The following CFH variants were observed in gnomAD, a reference collection of about 807,000 sequenced individuals.
The protein encoded by CFH is H factor 1 (complement).
A neutral mutation model predicts 147.3 loss-of-function variants in CFH; 53 were observed. The observed-to-expected ratio is 0.36, with a 90% CI of 0.29 to 0.45. CFH has a LOEUF of 0.45. CFH is among the 20% of genes least tolerant of loss of function. CFH has a pLI of 1.00. For missense variants in CFH, 1,380 were observed against 1,498.0 expected, an observed-to-expected ratio of 0.92 and a Z score of 1.30; for synonymous variants, 536 against 489.4, an observed-to-expected ratio of 1.10 and a Z score of -1.26.
intron 18 of CFH, 51 bp downstream of exon 18, chr1:196,740,843 A>G (rs752681273): frequency 6.4e-7 from 1 of 1,554,792 alleles, no homozygotes. Flanking sequence ...CTTCATTCAA[A>G]GTGTAAGTGG....
intron 14 of CFH, among the ~76,000 whole-genome samples, chr1:196,727,646 CA>C (rs1301551946): frequency 6.6e-6 from 1 of 152,068 alleles, no homozygotes; most frequent in Non-Finnish European, 1.5e-5. Flanking sequence ...ACAAAGTTGA[CA>C]AAATACCTAC....
intron 1 of CFH, among the ~76,000 whole-genome samples, chr1:196,660,541 A>G (rs2149069397): frequency 6.6e-6 from 1 of 152,308 alleles, no homozygotes; most frequent in East Asian, 1.9e-4. Flanking sequence ...TTCATGACCA[A>G]AGTGACAGAT....
At chr1:196,711,970 T>A (rs1405271960) in intron 9 of CFH, among the ~76,000 whole-genome samples, 3 of 152,102 alleles carry the variant, frequency 2.0e-5, no homozygotes, top group Admixed American at 6.6e-5. Flanking sequence ...TCCTGCAGAT[T>A]CTAGTGAACT....
intron 11 of CFH, among the ~76,000 whole-genome samples, chr1:196,716,616 A>G (rs1275583349): frequency 6.6e-6 from 1 of 152,036 alleles, no homozygotes; most frequent in African/African-American, 2.4e-5. Flanking sequence ...GAGTGATGAT[A>G]GGGGAGGTGC....
intron 21 of CFH, among the ~76,000 whole-genome samples, chr1:196,746,506 G>A (rs1276568909): frequency 1.3e-5 from 2 of 152,114 alleles, no homozygotes; most frequent in Non-Finnish European, 2.9e-5. Context: ...TTATTTTAAA[G>A]CATTTAGTTG....
chr1:196,700,958 G>A lies in CFH; in HGVS notation c.1336+10719G>A, dbSNP rs546800828. ...CTTCTGTGTGTGTGTGCCTGTTTTC[G>A]TCTTAGAGGTCTTGTGGCCTCTTTG... is the stretch of plus-strand genomic sequence containing the variant. On this transcript the variant is annotated intron_variant, in intron 9 of 21. Coordinates refer to ENST00000367429, the MANE Select transcript of CFH (RefSeq NM_000186.4). 3.0e-4 allele frequency: 199 copies of A among 670,648 alleles called. No individual in the cohort carries two copies. In the South Asian group the frequency reaches 4.8e-3, roughly 16 times the overall value. The allele number at this position is 670,648 out of a possible 1,614,324, so 41.5% of individuals were successfully genotyped here. A position where few individuals can be genotyped will look rare whatever the true frequency, so the allele number is the denominator to read the frequency against.
chr1:196,679,489 A>C (rs1667577559), intron 5 of CFH, 134 bp from the exon 6 acceptor site: 1 of 626,616 alleles, frequency 1.6e-6, no homozygotes, highest in Admixed American at 2.8e-5. Flanking sequence ...TAAGCGGTCA[A>C]GTCAAAACAG....
At position 196,689,620 on chromosome 1, in the gene CFH, T is replaced by C. The variant is rs777088284; in HGVS notation, c.1159+6T>C. The C allele has an allele frequency of 2.5e-6, 4 of 1,613,176 alleles. No individual in the cohort carries two copies. Among genetic ancestry groups the C allele is most frequent in the Non-Finnish European group, 3.4e-6 (4 of 1,179,448 alleles). ...GCCAGCAGTACCATGCCTCAGTAAG[T>C]AAACCTCTGAACTGCTATATATATG... is the stretch of plus-strand genomic sequence containing the variant. On this transcript the variant is annotated splice_donor_region_variant and intron_variant, in intron 8 of 21. Coordinates refer to ENST00000367429, the MANE Select transcript of CFH (RefSeq NM_000186.4).
chr1:196,702,199 C>T (rs929069712), intron 9 of CFH, among the ~76,000 whole-genome samples: 2 of 152,156 alleles, frequency 1.3e-5, no homozygotes, highest in East Asian at 1.9e-4. Context: ...ACTACTGGCG[C>T]CTCTCCAGAG....
chr1:196,699,128 T>G (rs1188642501), intron 9 of CFH, among the ~76,000 whole-genome samples: 1 of 152,126 alleles, frequency 6.6e-6, no homozygotes, highest in African/African-American at 2.4e-5. Flanking sequence ...TTATAAGAAA[T>G]AGACAAACTG....
Position 196,685,214 on chromosome 1 carries a change from G to A in CFH, c.941G>A (p.Trp314Ter), listed in dbSNP as rs1667786156. The change falls in exon 7 of 22, where the codon TGG becomes TAG. Residue 314 changes from tryptophan to a stop codon, truncating the protein, a stop_gained. Coordinates refer to ENST00000367429, the MANE Select transcript of CFH (RefSeq NM_000186.4). LOFTEE classifies it high-confidence loss of function. Reference sequence around the variant, plus strand: ...ACAGCAAAATGCACAAGTACTGGCTGGATACCTGCTCCGAGATGTACCTGT... The same window carrying A: ...ACAGCAAAATGCACAAGTACTGGCTAGATACCTGCTCCGAGATGTACCTGT... The part of the protein sequence containing the change: ...GNTAKCTSTG[W>*]IPAPRCTLKP... 6.2e-7 allele frequency: 1 copy of A among 1,612,712 alleles called. No individual in the cohort carries two copies. The highest frequency in any genetic ancestry group is 1.7e-5 in the Admixed American group (1 of 59,836).
chr1:196,666,038 C>G (rs1667073435), intron 1 of CFH, among the ~76,000 whole-genome samples: 1 of 152,172 alleles, frequency 6.6e-6, no homozygotes, highest in Non-Finnish European at 1.5e-5. Context: ...AGGATAAAGG[C>G]AGTATGCACA....
chr1:196,695,247 C>T (rs1250984797), intron 9 of CFH, among the ~76,000 whole-genome samples: 2 of 152,052 alleles, frequency 1.3e-5, no homozygotes, highest in African/African-American at 2.4e-5. Context: ...TTCCCTGCAC[C>T]ATTTATTCAA....
At chr1:196,660,937 C>A (rs1337575727) in intron 1 of CFH, among the ~76,000 whole-genome samples, 1 of 152,132 alleles carries the variant, frequency 6.6e-6, no homozygotes, top group Non-Finnish European at 1.5e-5. Context: ...AGTGAGCGGG[C>A]TAAACTTTTT....
chr1:196,683,667 T>G (rs1440914501), intron 6 of CFH, among the ~76,000 whole-genome samples: 1 of 151,482 alleles, frequency 6.6e-6, no homozygotes, highest in Non-Finnish European at 1.5e-5. Context: ...AATGAAAGAA[T>G]TAAAGCTAAC....
At chr1:196,654,378 T>C (rs1330934388) in intron 1 of CFH, among the ~76,000 whole-genome samples, 1 of 152,160 alleles carries the variant, frequency 6.6e-6, no homozygotes, top group African/African-American at 2.4e-5. Context: ...AGAACCTTTC[T>C]AATGCAATAT....
chr1:196,733,905 C>T (rs1224802991), intron 15 of CFH, among the ~76,000 whole-genome samples: 1 of 151,994 alleles, frequency 6.6e-6, no homozygotes. Flanking sequence ...TAAAACTTCT[C>T]GGGAGAAACA....
At position 196,743,609 on chromosome 1, in the gene CFH, G is replaced by T. The variant is rs409953; in HGVS notation, c.3291G>T (p.Thr1097=). Residue 1097 remains threonine (T), a synonymous_variant, in exon 20 of 22, where the codon ACG becomes ACT. Coordinates refer to ENST00000367429, the MANE Select transcript of CFH (RefSeq NM_000186.4). ...EEVMCLNGNW[T]EPPQCKDSTG... ...TGATGTGTTTAAATGGAAACTGGACGGAACCACCTCAATGCAAAGGTAGAG... is the reference window on the plus strand; with the variant it reads ...TGATGTGTTTAAATGGAAACTGGACTGAACCACCTCAATGCAAAGGTAGAG... 4 of 1,613,942 alleles carry T rather than the reference G, an allele frequency of 2.5e-6. No individual in the cohort carries two copies. The African/African-American group carries it at 4.0e-5, about 16-fold the overall frequency.
intron 19 of CFH, among the ~76,000 whole-genome samples, chr1:196,742,333 G>A (rs376189313): frequency 6.6e-6 from 1 of 152,278 alleles, no homozygotes. Context: ...CCAAGATCGT[G>A]CCACTGCACT....
Sources: gnomAD v4.1 joint callset for allele counts (sites outside exome capture counted in the v4.1 genomes callset) on GRCh38, gnomAD v4.1.1 for gene constraint, MANE v1.5 for transcripts, NCBI Gene and HGNC (gene_info 2026-07-23, HGNC 2026-07-21) for gene names.